Variants in LMTK2 observed in about 807,000 individuals in gnomAD.
The protein encoded by LMTK2 is lemur tail kinase 2, also known as serine/threonine-protein kinase LMTK2.
Under a neutral mutation model 127.5 loss-of-function variants are expected in LMTK2, and 37 were observed. That is an observed-to-expected ratio of 0.29 (90% CI 0.22 to 0.38). LMTK2 has a LOEUF of 0.38. Ranked by LOEUF, LMTK2 falls within the 10% of genes least tolerant of loss-of-function variation. LMTK2 has a pLI of 1.00. For missense variants in LMTK2, 1,694 were observed against 1,920.3 expected (o/e 0.88, Z 2.20); for synonymous variants, 819 against 810.1 (o/e 1.01, Z -0.19).
chr7:98,132,845 T>C (rs1353237130), intron 1 of LMTK2, among the ~76,000 whole-genome samples: 1 of 152,148 alleles, frequency 6.6e-6, no homozygotes, highest in Non-Finnish European at 1.5e-5. Flanking sequence ...TACATATGGG[T>C]CCAGTTTCAT....
chr7:98,179,466 C>A (rs960406631), intron 7 of LMTK2, among the ~76,000 whole-genome samples: 4 of 152,182 alleles, frequency 2.6e-5, no homozygotes, highest in African/African-American at 9.6e-5. Context: ...AGTGACGGAG[C>A]CTCTGTTGGC....
chr7:98,156,896 A>G (rs1026025280), intron 5 of LMTK2, among the ~76,000 whole-genome samples: 2 of 152,266 alleles, frequency 1.3e-5, no homozygotes, highest in Admixed American at 1.3e-4. Context: ...AGGATCTTCA[A>G]CTGATAGATG....
At chr7:98,203,836 C>T in intron 12 of LMTK2, 108 bp from the exon 13 acceptor site, 1 of 1,571,670 alleles carries the variant, frequency 6.4e-7, no homozygotes, top group Non-Finnish European at 8.7e-7. Context: ...CATCTGCCAG[C>T]CGGGCCGGGC....
At chr7:98,135,811 G>A (rs903911260) in intron 1 of LMTK2, among the ~76,000 whole-genome samples, 1 of 151,766 alleles carries the variant, frequency 6.6e-6, no homozygotes, top group Admixed American at 6.6e-5. Context: ...GAAAAGGCCA[G>A]GCGGTAAAAT....
chr7:98,159,818 CTT>C (rs1171152897), intron 6 of LMTK2, among the ~76,000 whole-genome samples: 2 of 152,174 alleles, frequency 1.3e-5, no homozygotes, highest in Non-Finnish European at 2.9e-5. Flanking sequence ...TCTTGAAACA[CTT>C]TAACCCCCTG....
intron 5 of LMTK2, among the ~76,000 whole-genome samples, chr7:98,157,557 A>C (rs1796945466): frequency 6.6e-6 from 1 of 151,980 alleles, no homozygotes; most frequent in East Asian, 1.9e-4. Flanking sequence ...GTAATTGCTA[A>C]CAATTGGAAA....
intron 3 of LMTK2, among the ~76,000 whole-genome samples, chr7:98,145,546 A>G (rs1444496322): frequency 6.6e-6 from 1 of 152,176 alleles, no homozygotes; most frequent in African/African-American, 2.4e-5. Context: ...GAGGAAATCC[A>G]ACTTCAGCTT....
At chr7:98,129,136 G>C (rs1429954343) in intron 1 of LMTK2, among the ~76,000 whole-genome samples, 4 of 152,186 alleles carry the variant, frequency 2.6e-5, no homozygotes, top group African/African-American at 7.2e-5. Context: ...CCAGGCTGTA[G>C]TGCAGTGGCA....
chr7:98,184,806 A>G (rs1291954017), intron 7 of LMTK2, among the ~76,000 whole-genome samples: 2 of 152,232 alleles, frequency 1.3e-5, no homozygotes, highest in Admixed American at 1.3e-4. Flanking sequence ...CGTGGTACAG[A>G]TATGGTCAGT....
intron 1 of LMTK2, among the ~76,000 whole-genome samples, chr7:98,110,371 G>A (rs78714183): frequency 1.0e-3 from 157 of 152,186 alleles, no homozygotes; most frequent in African/African-American, 3.4e-3. Flanking sequence ...CTGGGATGCC[G>A]TTTTGCCCCC....
At chr7:98,115,899 G>A (rs1371807362) in intron 1 of LMTK2, among the ~76,000 whole-genome samples, 3 of 152,062 alleles carry the variant, frequency 2.0e-5, no homozygotes, top group Admixed American at 2.0e-4. Flanking sequence ...TTGTTTGTTT[G>A]TTTAAGAGAC....
chr7:98,165,293 G>A (rs911380914), intron 6 of LMTK2, among the ~76,000 whole-genome samples: 2 of 152,172 alleles, frequency 1.3e-5, no homozygotes, highest in African/African-American at 4.8e-5. Context: ...TGACAACGCT[G>A]TGAGACCCAT....
At chr7:98,199,612 A>G (rs781300674) in intron 11 of LMTK2, among the ~76,000 whole-genome samples, 1 of 152,234 alleles carries the variant, frequency 6.6e-6, no homozygotes, top group Non-Finnish European at 1.5e-5. Context: ...CTCCTGCCTC[A>G]GCCCCACAAG....
intron 1 of LMTK2, among the ~76,000 whole-genome samples, chr7:98,131,325 T>C (rs1408395493): frequency 1.3e-5 from 2 of 152,212 alleles, no homozygotes; most frequent in Admixed American, 6.5e-5. Flanking sequence ...TATGTTGGAA[T>C]TGGTGGGTAG....
intron 2 of LMTK2, among the ~76,000 whole-genome samples, chr7:98,138,713 AG>A (rs1796632711): frequency 6.6e-6 from 1 of 152,168 alleles, no homozygotes; most frequent in Non-Finnish European, 1.5e-5. Context: ...ACAAAGATAA[AG>A]CCTGATCAGT....
intron 11 of LMTK2, among the ~76,000 whole-genome samples, chr7:98,197,814 C>T (rs1797649773): frequency 6.6e-6 from 1 of 152,170 alleles, no homozygotes. Context: ...TGCACTGCAG[C>T]CGGGATGGCA....
At chr7:98,174,486 C>T (rs1395497637) in intron 7 of LMTK2, among the ~76,000 whole-genome samples, 1 of 152,210 alleles carries the variant, frequency 6.6e-6, no homozygotes, top group African/African-American at 2.4e-5. Flanking sequence ...GCTGTGCCAT[C>T]CCACTTGCCT....
At chr7:98,113,055 T>A (rs1369818674) in intron 1 of LMTK2, among the ~76,000 whole-genome samples, 1 of 152,100 alleles carries the variant, frequency 6.6e-6, no homozygotes, top group East Asian at 1.9e-4. Flanking sequence ...ATGCCCACTT[T>A]ATTTTTTTGT....
intron 1 of LMTK2, 70 bp downstream of exon 1, chr7:98,107,350 G>A (rs1034554875): frequency 2.1e-6 from 2 of 959,440 alleles, no homozygotes; most frequent in African/African-American, 1.7e-5. Flanking sequence ...GGCAGGGCCG[G>A]GCCGGCCTCG....
Sources: allele counts gnomAD v4.1 joint callset (sites outside exome capture counted in the v4.1 genomes callset), GRCh38; gene constraint gnomAD v4.1.1; transcripts MANE v1.5; gene names NCBI Gene and HGNC (gene_info 2026-07-23, HGNC 2026-07-21).